TMEM278: variants seen among roughly 807,000 people sequenced by gnomAD.
TMEM278 encodes the protein transmembrane protein 88B.
At chr1:1,425,934 G>C in the TMEM278 span, among the ~76,000 whole-genome samples, 1 of 152,168 alleles carries the variant, frequency 6.6e-6, no homozygotes, top group African/African-American at 2.4e-5. Context: ...GCCTGGCAGA[G>C]GGGAAACTGA....
chr1:1,428,298 C>T, the TMEM278 span, among the ~76,000 whole-genome samples: 7 of 151,864 alleles, frequency 4.6e-5, no homozygotes, highest in Non-Finnish European at 7.4e-5. Flanking sequence ...CGGCCTCCAT[C>T]GTCCAGGGCT....
the TMEM278 span, chr1:1,426,091 A>C: frequency 7.4e-7 from 1 of 1,354,770 alleles, no homozygotes; most frequent in Admixed American, 3.8e-5. Flanking sequence ...CTCTGCATTG[A>C]GCACCGCCCG....
chr1:1,428,562 C>T, the TMEM278 span, among the ~76,000 whole-genome samples: 1 of 152,192 alleles, frequency 6.6e-6, no homozygotes, highest in Non-Finnish European at 1.5e-5. Flanking sequence ...CGTTCATCAG[C>T]TCTGGAAATC....
chr1:1,427,655 G>A, the TMEM278 span: 100 of 1,339,658 alleles, frequency 7.5e-5, no homozygotes, highest in Non-Finnish European at 8.9e-5. Context: ...CGCTGCTGGT[G>A]CTCGCCTCGG....
At chr1:1,427,572 C>T in the TMEM278 span, 2 of 1,160,800 alleles carry the variant, frequency 1.7e-6, no homozygotes, top group Non-Finnish European at 2.1e-6. Context: ...CGCTCCGGGT[C>T]CCCGGTGCCG....
chr1:1,427,119 C>G, the TMEM278 span, among the ~76,000 whole-genome samples: 1 of 147,818 alleles, frequency 6.8e-6, no homozygotes, highest in Admixed American at 6.7e-5. Flanking sequence ...CACGGCCCCT[C>G]TACCGCCCCG....
chr1:1,426,465 C>T, the TMEM278 span: 3 of 1,205,986 alleles, frequency 2.5e-6, no homozygotes, highest in Non-Finnish European at 3.2e-6. Flanking sequence ...GCACTGTGCC[C>T]CCTTCCAGAA....
the TMEM278 span, among the ~76,000 whole-genome samples, chr1:1,428,999 C>CAAAA: frequency 5.4e-5 from 5 of 93,282 alleles, no homozygotes; most frequent in African/African-American, 1.9e-4. Flanking sequence ...GGCTCCGTCT[C>CAAAA]AAAAAAAAAA....
the TMEM278 span, among the ~76,000 whole-genome samples, chr1:1,429,691 A>G: frequency 6.6e-6 from 1 of 152,108 alleles, no homozygotes; most frequent in African/African-American, 2.4e-5. Context: ...TCCAGGCGAG[A>G]CCACCCTCGG....
chr1:1,427,561 C>A, the TMEM278 span: 1 of 1,149,112 alleles, frequency 8.7e-7, no homozygotes, highest in South Asian at 3.2e-5. Context: ...CAGGTCCACC[C>A]CGCTCCGGGT....
the TMEM278 span, chr1:1,427,760 G>A: frequency 5.3e-6 from 7 of 1,327,690 alleles, no homozygotes; most frequent in Non-Finnish European, 6.7e-6. Context: ...GCCCCGACGA[G>A]GACGAGCAAC....
chr1:1,426,738 A>G, the TMEM278 span, among the ~76,000 whole-genome samples: 1 of 151,794 alleles, frequency 6.6e-6, no homozygotes, highest in Admixed American at 6.6e-5. Flanking sequence ...CCCCTCCCCA[A>G]ACACACAAGG....
At chr1:1,427,118 T>C in the TMEM278 span, among the ~76,000 whole-genome samples, 2 of 110,428 alleles carry the variant, frequency 1.8e-5, no homozygotes, top group African/African-American at 6.7e-5. Flanking sequence ...CCACGGCCCC[T>C]CTACCGCCCC....
the TMEM278 span, chr1:1,427,613 G>T: frequency 7.7e-7 from 1 of 1,304,440 alleles, no homozygotes; most frequent in Non-Finnish European, 9.7e-7. Flanking sequence ...GCTCCGCGGC[G>T]CTCATCGTGT....
At chr1:1,428,827 C>T in the TMEM278 span, among the ~76,000 whole-genome samples, 1 of 152,036 alleles carries the variant, frequency 6.6e-6, no homozygotes, top group Non-Finnish European at 1.5e-5. Context: ...GGTGAAACCC[C>T]GTCTCTACTA....
At chr1:1,427,643 G>A in the TMEM278 span, 71 of 1,341,308 alleles carry the variant, frequency 5.3e-5, no homozygotes, top group Middle Eastern at 2.6e-4. Flanking sequence ...TCTCGCTGCC[G>A]CCGCTGCTGG....
chr1:1,426,011 TG>T, the TMEM278 span: 1 of 1,258,462 alleles, frequency 7.9e-7, no homozygotes, highest in Non-Finnish European at 1.0e-6. Flanking sequence ...ACGGTCTGGC[TG>T]GGGGATGTGG....
chr1:1,427,580 C>T, the TMEM278 span: 1 of 1,190,020 alleles, frequency 8.4e-7, no homozygotes, highest in Non-Finnish European at 1.0e-6. Context: ...GTCCCCGGTG[C>T]CGCGCGCTGT....
chr1:1,429,561 C>T, the TMEM278 span, among the ~76,000 whole-genome samples: 4 of 152,116 alleles, frequency 2.6e-5, no homozygotes, highest in Non-Finnish European at 4.4e-5. Flanking sequence ...GTGTTTCTGC[C>T]GATTCTCATC....
Sources: allele counts gnomAD v4.1 joint callset (sites outside exome capture counted in the v4.1 genomes callset), GRCh38; gene constraint gnomAD v4.1.1; transcripts MANE v1.5; gene names NCBI Gene and HGNC (gene_info 2026-07-23, HGNC 2026-07-21).